Variants in ABCC9 observed in about 807,000 individuals in gnomAD.
The protein encoded by ABCC9 is ATP binding cassette subfamily C member 9.
ABCC9 carries 95 observed loss-of-function variants against 188.3 expected under a neutral mutation model. The observed-to-expected ratio is 0.50, with a 90% confidence interval of 0.43 to 0.60. The LOEUF (loss-of-function observed/expected upper bound fraction) is 0.60. Ranked by LOEUF, ABCC9 falls within the 20% of genes least tolerant of loss-of-function variation. ABCC9 has a pLI of 0.00. For synonymous variants in ABCC9, 659 were observed against 652.7 expected, an observed-to-expected ratio of 1.01 and a Z score of -0.15; for missense variants, 1,102 against 1,876.3, an observed-to-expected ratio of 0.59 and a Z score of 7.62.
chr12:21,893,489 G>A (rs1444792783), intron 14 of ABCC9, among the ~76,000 whole-genome samples: 1 of 152,094 alleles, frequency 6.6e-6, no homozygotes, highest in African/African-American at 2.4e-5. Flanking sequence ...TTAAAAATGT[G>A]TGCCCTCTTT....
chr12:21,899,163 T>C (rs1384264626), intron 12 of ABCC9, among the ~76,000 whole-genome samples: 2 of 152,166 alleles, frequency 1.3e-5, no homozygotes, highest in African/African-American at 4.8e-5. Flanking sequence ...GAAAATAAAA[T>C]GTAAAAACTG....
At chr12:21,895,680 T>G (rs1267299198) in intron 12 of ABCC9, among the ~76,000 whole-genome samples, 1 of 152,224 alleles carries the variant, frequency 6.6e-6, no homozygotes, top group Non-Finnish European at 1.5e-5. Context: ...CTAAACTAAT[T>G]TAAATATGTG....
chr12:21,802,646 A>G (rs1241282306), intron 39 of ABCC9, among the ~76,000 whole-genome samples: 1 of 152,230 alleles, frequency 6.6e-6, no homozygotes, highest in Non-Finnish European at 1.5e-5. Flanking sequence ...TAATAGCCAC[A>G]TGTGGCCAGG....
chr12:21,889,789 G>A (rs985535881), intron 14 of ABCC9, among the ~76,000 whole-genome samples: 2 of 152,088 alleles, frequency 1.3e-5, no homozygotes, highest in African/African-American at 4.8e-5. Flanking sequence ...GAATGGGGAC[G>A]ACATTCTCTC....
intron 14 of ABCC9, among the ~76,000 whole-genome samples, chr12:21,888,772 A>G (rs920032352): frequency 6.6e-6 from 1 of 152,132 alleles, no homozygotes; most frequent in Non-Finnish European, 1.5e-5. Context: ...ATCAGGAGCA[A>G]AAATAAATAA....
chr12:21,891,267 G>A (rs1441395543), intron 14 of ABCC9, among the ~76,000 whole-genome samples: 1 of 152,192 alleles, frequency 6.6e-6, no homozygotes, highest in African/African-American at 2.4e-5. Flanking sequence ...GAGTAAAATG[G>A]TGGTAAGACG....
rs1316299513 is a variant in ABCC9 at position 21,882,872 on chromosome 12, T to A, written c.1913A>T (p.Gln638Leu). The A allele has an allele frequency of 1.2e-6, 2 of 1,612,390 alleles. No individual in the cohort carries two copies. Among genetic ancestry groups the A allele is most frequent in the Admixed American group, 1.7e-5 (1 of 59,990 alleles). Residue 638 changes from glutamine (Q) to leucine (L), a missense_variant and splice_region_variant, in exon 16 of 40, where the codon CAG becomes CTG. Gln to Leu is a moderately radical substitution (Grantham distance 113, BLOSUM62 -2). Transcript: ENST00000261200. ...FESCKKHTGV[Q>L]PKTINRKQPG... ...CTGTTTCCTGTTTATAGTTTTTGGC[T>A]GCTGCATTCCAAATGGAAAAGAACA...
chr12:21,861,088 T>A, intron 20 of ABCC9, 33 bp from the exon 21 acceptor site: 1 of 1,535,928 alleles, frequency 6.5e-7, no homozygotes, highest in Non-Finnish European at 9.0e-7. Context: ...TTTTTAGATC[T>A]CAATTAATAC....
At chr12:21,885,468 T>C (rs1053764586) in intron 15 of ABCC9, among the ~76,000 whole-genome samples, 32 of 152,144 alleles carry the variant, frequency 2.1e-4, no homozygotes, top group African/African-American at 7.7e-4. Flanking sequence ...TTTCCCTAAC[T>C]CCATGAACTT....
At chr12:21,897,955 C>G (rs1328657088) in intron 12 of ABCC9, among the ~76,000 whole-genome samples, 1 of 152,150 alleles carries the variant, frequency 6.6e-6, no homozygotes, top group African/African-American at 2.4e-5. Flanking sequence ...GAAAGAAGTT[C>G]AGGTTACCTA....
intron 12 of ABCC9, among the ~76,000 whole-genome samples, chr12:21,896,079 C>CTTTTTTTTTTTTTTTTTTTATTTTTT (rs1947391468): frequency 7.8e-6 from 1 of 128,046 alleles, no homozygotes; most frequent in Non-Finnish European, 1.6e-5. Context: ...ATCTAATTTT[C>CTTTTTTTTTTTTTTTTTTTATTTTTT]TTTTTTTTTT....
At chr12:21,817,991 C>A (rs1267176432) in intron 32 of ABCC9, among the ~76,000 whole-genome samples, 159 bp downstream of exon 32, 1 of 151,892 alleles carries the variant, frequency 6.6e-6, no homozygotes, top group Non-Finnish European at 1.5e-5. Context: ...ATTGACCCAC[C>A]CTCTAAGTTC....
intron 7 of ABCC9, among the ~76,000 whole-genome samples, chr12:21,913,367 CTAAT>C (rs1565478664): frequency 6.6e-6 from 1 of 152,062 alleles, no homozygotes; most frequent in Admixed American, 6.6e-5. Context: ...TTCTTAAAGC[CTAAT>C]TCATTTTCAG....
chr12:21,870,954 G>A (rs1428118253), intron 18 of ABCC9, among the ~76,000 whole-genome samples: 2 of 151,992 alleles, frequency 1.3e-5, no homozygotes, highest in Non-Finnish European at 2.9e-5. Flanking sequence ...ATAATATTGG[G>A]GGTCAATTTA....
intron 12 of ABCC9, among the ~76,000 whole-genome samples, chr12:21,900,524 G>A (rs982071441): frequency 3.3e-5 from 5 of 152,164 alleles, no homozygotes; most frequent in African/African-American, 9.7e-5. Context: ...GCTAAAGGAG[G>A]AAGTTCAAAC....
chr12:21,894,005 A>G (rs1359463833), intron 14 of ABCC9, 27 bp downstream of exon 14: 2 of 1,613,256 alleles, frequency 1.2e-6, no homozygotes, highest in Non-Finnish European at 8.5e-7. Flanking sequence ...TCAATAAGCA[A>G]AAAATGCCAG....
Position 21,805,211 on chromosome 12 carries a change from T to C in ABCC9, c.4512+787A>G, listed in dbSNP as rs372859669. On this transcript the variant is annotated intron_variant, in intron 39 of 39. Transcript: ENST00000261200. ...CATCACCAAAGTGGAAAAGAGGCCA[T>C]TCTTGTGGGCGAGCAAATTTGGGAC... The C allele has an allele frequency of 6.2e-6, 10 of 1,614,058 alleles. No individual in the cohort carries two copies. Among genetic ancestry groups the C allele is most frequent in the Non-Finnish European group, 8.5e-6 (10 of 1,179,974 alleles).
rs1947346470 is a variant in ABCC9, at chr12:21,895,275, A to G, written c.1659T>C (p.Ala553=). The change falls in exon 13 of 40, where the codon GCT becomes GCC. Residue 553 remains alanine (A), a splice_region_variant and synonymous_variant. Coordinates refer to ENST00000261200, the MANE Select transcript of ABCC9 (RefSeq NM_020297.4). ...NAAIPIAAVL[A]TFVTHAYASG... is the part of the protein sequence containing the mutation. ...CTAAAAGAGAGAAAAAGTGTCTTACAGCAAGAACAGCTGCTATGGGAATTG... is the reference window on the plus strand; with the variant it reads ...CTAAAAGAGAGAAAAAGTGTCTTACGGCAAGAACAGCTGCTATGGGAATTG... The G allele has an allele frequency of 3.7e-6, 6 of 1,613,086 alleles. No individual in the cohort carries two copies. Among genetic ancestry groups the G allele is most frequent in the Non-Finnish European group, 2.5e-6 (3 of 1,179,222 alleles).
chr12:21,800,701 C>A lies in ABCC9; in HGVS notation c.*343G>T. The A allele has an allele frequency of 3.2e-6, 1 of 315,902 alleles. No homozygotes were observed. The highest frequency in any genetic ancestry group is 6.0e-6 in the Non-Finnish European group (1 of 165,874). The allele number at this position is 315,902 out of a possible 1,614,324, so 19.6% of individuals were successfully genotyped here. On this transcript the variant is annotated 3_prime_UTR_variant, in exon 40 of 40. Coordinates refer to ENST00000261200, the MANE Select transcript of ABCC9 (RefSeq NM_020297.4). Reference sequence around the variant, plus strand: ...ACAAACAAGAGTATAGTAATACTGACTACTCATTGACACTTCCATTCCTGA... The same window carrying A: ...ACAAACAAGAGTATAGTAATACTGAATACTCATTGACACTTCCATTCCTGA...
Sources: allele counts gnomAD v4.1 joint callset (sites outside exome capture counted in the v4.1 genomes callset), GRCh38; gene constraint gnomAD v4.1.1; transcripts MANE v1.5; gene names NCBI Gene and HGNC (gene_info 2026-07-23, HGNC 2026-07-21).